ERGIC1: variants seen among roughly 807,000 people sequenced by gnomAD.
ERGIC1 encodes endoplasmic reticulum-golgi intermediate compartment 1.
In ERGIC1, 19 loss-of-function variants were observed where a neutral mutation model predicts 38.3. The observed-to-expected ratio is 0.50, with a 90% CI of 0.35 to 0.73. ERGIC1 has a LOEUF of 0.73. Among genes scored for constraint, ERGIC1 ranks in the 30% least tolerant of loss-of-function variants. The pLI is 0.01. For synonymous variants in ERGIC1, 124 were observed against 157.6 expected (o/e 0.79, Z 1.60); for missense variants, 294 against 389.2 (o/e 0.76, Z 2.06).
At chr5:172,918,635 C>A (rs954302202) in intron 5 of ERGIC1, among the ~76,000 whole-genome samples, 1 of 152,234 alleles carries the variant, frequency 6.6e-6, no homozygotes, top group African/African-American at 2.4e-5. Context: ...CTAAGTGCTG[C>A]AGAGAGTGCT....
chr5:172,920,376 C>A, intron 5 of ERGIC1: 1 of 717,966 alleles, frequency 1.4e-6, no homozygotes, highest in Non-Finnish European at 2.6e-6. Context: ...AGTTGACCAG[C>A]AGCCAGATGT....
chr5:172,881,597 A>C (rs140562594), intron 1 of ERGIC1, among the ~76,000 whole-genome samples: 1 of 152,308 alleles, frequency 6.6e-6, no homozygotes, highest in Non-Finnish European at 1.5e-5. Flanking sequence ...AAGCAGTCCA[A>C]ATCTTTAACT....
chr5:172,853,575 A>G (rs913534672), intron 1 of ERGIC1, among the ~76,000 whole-genome samples: 1 of 152,166 alleles, frequency 6.6e-6, no homozygotes, highest in Non-Finnish European at 1.5e-5. Context: ...GCTGGGGGCA[A>G]TGTGCTGGTT....
intron 5 of ERGIC1, chr5:172,915,256 G>A (rs1336910961): frequency 1.7e-6 from 1 of 591,572 alleles, no homozygotes; most frequent in African/African-American, 1.9e-5. Context: ...GATTAAATGA[G>A]CTAATGCAGA....
chr5:172,921,218 C>T (rs967720618), intron 5 of ERGIC1, among the ~76,000 whole-genome samples: 1 of 152,228 alleles, frequency 6.6e-6, no homozygotes, highest in African/African-American at 2.4e-5. Context: ...GGCTCCCCAG[C>T]TAGGAAGTGG....
chr5:172,921,666 T>G (rs1163229207), intron 5 of ERGIC1: 1 of 152,288 alleles, frequency 6.6e-6, no homozygotes, highest in Non-Finnish European at 1.5e-5. Context: ...TGGGGACCTT[T>G]GATAAACAGC....
intron 1 of ERGIC1, among the ~76,000 whole-genome samples, chr5:172,857,773 T>G (rs67655713): frequency 0.34 from 51,676 of 151,904 alleles, 9,464 homozygotes; most frequent in South Asian, 0.43. Flanking sequence ...GTCTTACAGC[T>G]TACGTTATGG....
At chr5:172,904,335 C>G (rs1368709440) in intron 3 of ERGIC1, among the ~76,000 whole-genome samples, 1 of 152,258 alleles carries the variant, frequency 6.6e-6, no homozygotes, top group Admixed American at 6.5e-5. Flanking sequence ...GCCCCCACCA[C>G]TATTATTCTG....
chr5:172,895,429 A>G (rs973521235), intron 2 of ERGIC1, among the ~76,000 whole-genome samples: 5 of 152,104 alleles, frequency 3.3e-5, no homozygotes, highest in African/African-American at 1.2e-4. Flanking sequence ...CTTGCCCACT[A>G]AGTGCCTCTG....
At chr5:172,935,530 C>T in intron 9 of ERGIC1, 1 of 547,370 alleles carries the variant, frequency 1.8e-6, no homozygotes, top group Non-Finnish European at 3.2e-6. Context: ...AAAGTATTTT[C>T]CAGAGGGGAA....
intron 1 of ERGIC1, among the ~76,000 whole-genome samples, chr5:172,860,690 G>A (rs1251828060): frequency 6.6e-6 from 1 of 152,228 alleles, no homozygotes; most frequent in South Asian, 2.1e-4. Flanking sequence ...GCCAAGCATG[G>A]GTCCTGGGGT....
At chr5:172,949,950 G>A (rs571889674) in intron 9 of ERGIC1, among the ~76,000 whole-genome samples, 2 of 152,338 alleles carry the variant, frequency 1.3e-5, no homozygotes, top group African/African-American at 2.4e-5. Context: ...GCAGGCAGCT[G>A]TAGTCCCAGC....
rs943565482 is a variant in ERGIC1 at position 172,837,549 on chromosome 5, G to C, written c.20+3116G>C. 1.3e-5 allele frequency among the ~76,000 whole-genome samples: 2 copies of C among 152,272 alleles called. No homozygotes were observed. The highest frequency in any genetic ancestry group is 4.1e-4 in the South Asian group (2 of 4,830). On this transcript the variant is annotated intron_variant, in intron 1 of 9. Coordinates refer to ENST00000393784, the MANE Select transcript of ERGIC1 (RefSeq NM_001031711.3). This position sits in a 1 kb window ranked among gnomAD's most constrained non-coding sequence, Gnocchi z 4.3. ...CTAGAACTGTGCTTGAGCCAAACTC[G>C]ATCCTTGGAGATGCCTCTTGAAATC...
intron 1 of ERGIC1, among the ~76,000 whole-genome samples, chr5:172,843,157 A>T (rs957001588): frequency 6.6e-6 from 1 of 152,216 alleles, no homozygotes; most frequent in Non-Finnish European, 1.5e-5. Flanking sequence ...AAAATTAAAT[A>T]AAATAAAATA....
rs1187474720 is a variant in ERGIC1 at position 172,834,333 on chromosome 5, G to A, written c.-81G>A. The A allele has an allele frequency of 8.5e-7, 1 of 1,181,820 alleles. No individual in the cohort carries two copies. The highest frequency in any genetic ancestry group is 1.0e-6 in the Non-Finnish European group (1 of 954,334). 73.2% of individuals were successfully genotyped at this position (1,181,820 alleles called of 1,614,324 possible). A position where few individuals can be genotyped will look rare whatever the true frequency, so the allele number is the denominator to read the frequency against. On this transcript the variant is annotated 5_prime_UTR_variant, in exon 1 of 10. Transcript: ENST00000393784. This position sits in a 1 kb window ranked among gnomAD's most constrained non-coding sequence, Gnocchi z 4.1. ...GCCGGCGGGGGCGGGGCGGCCGGAG[G>A]AGGCGTTGGCAGCGGGCTCGGACCC...
chr5:172,917,655 A>G (rs1763404735), intron 5 of ERGIC1: 1 of 152,126 alleles, frequency 6.6e-6, no homozygotes, highest in African/African-American at 2.4e-5. Context: ...TGAATGCAAG[A>G]GATCTATGAA....
intron 3 of ERGIC1, chr5:172,905,936 G>A (rs968989692): frequency 1.3e-5 from 5 of 384,358 alleles, no homozygotes; most frequent in Non-Finnish European, 2.6e-5. Flanking sequence ...TAGCCTAATT[G>A]GTATTTCAGT....
intron 2 of ERGIC1, among the ~76,000 whole-genome samples, chr5:172,893,156 G>GT (rs1274946998): frequency 5.3e-5 from 8 of 151,804 alleles, no homozygotes; most frequent in African/African-American, 9.7e-5. Context: ...GTTTTGTTTC[G>GT]TTTTTTTTGA....
In ERGIC1 at chr5:172,952,589, GTTATTC is replaced by G. The variant is rs1243736463; in HGVS notation, c.*1778_*1783del. Reference sequence around the variant, plus strand: ...CCTATGGAAGAGACACCTCTGACCCGTTATTCTTATAATCAAAATCTGAAGGGAAAA... The same window carrying G: ...CCTATGGAAGAGACACCTCTGACCCGTTATAATCAAAATCTGAAGGGAAAA... On this transcript the variant is annotated 3_prime_UTR_variant, in exon 10 of 10. Transcript: ENST00000393784. 6.6e-6 allele frequency: 1 copy of G among 150,842 alleles called. No homozygotes were observed. Among genetic ancestry groups the G allele is most frequent in the Non-Finnish European group, 1.5e-5 (1 of 67,880 alleles). 9.3% of individuals were successfully genotyped at this position (150,842 alleles called of 1,614,324 possible). A position where few individuals can be genotyped will look rare whatever the true frequency, so the allele number is the denominator to read the frequency against.
Sources: allele counts gnomAD v4.1 joint callset (sites outside exome capture counted in the v4.1 genomes callset), GRCh38; gene constraint gnomAD v4.1.1; non-coding constraint Gnocchi (gnomAD v3.1); transcripts MANE v1.5; gene names NCBI Gene and HGNC (gene_info 2026-07-23, HGNC 2026-07-21).